The following STAU2 variants were observed in gnomAD, a reference collection of about 807,000 sequenced individuals.
The protein encoded by STAU2 is staufen double-stranded RNA binding protein 2.
STAU2 carries 20 observed loss-of-function variants against 65.9 expected under a neutral mutation model. The ratio of observed to expected loss-of-function variants is 0.30; its 90% confidence interval spans 0.21 to 0.44. The LOEUF (loss-of-function observed/expected upper bound fraction) is 0.44, where lower values mean the gene tolerates loss of function less well. Among genes scored for constraint, STAU2 ranks in the 20% least tolerant of loss-of-function variants. The pLI, the probability that STAU2 is intolerant of heterozygous loss-of-function variation, is 1.00. For missense variants in STAU2, 558 were observed against 683.9 expected (o/e 0.82, Z 2.05); for synonymous variants, 232 against 233.9 (o/e 0.99, Z 0.07).
In STAU2 at chr8:73,734,625, C is replaced by T. The variant is rs544055432; in HGVS notation, c.-18+3659G>A. Among the ~76,000 whole-genome samples, 3 of 152,166 alleles carry T rather than the reference C, an allele frequency of 2.0e-5. No homozygotes were observed. The East Asian group carries it at 5.8e-4, about 29-fold the overall frequency. On this transcript the variant is annotated intron_variant, in intron 3 of 14. Transcript: ENST00000524300. ...CCTGACCAACATGGTGAAACTCCAT[C>T]TCTACTAAGAATACAAAAATTAGCC... is the stretch of plus-strand genomic sequence containing the variant.
chr8:73,577,036 T>C (rs1434486061), intron 12 of STAU2, among the ~76,000 whole-genome samples: 1 of 152,228 alleles, frequency 6.6e-6, no homozygotes, highest in Non-Finnish European at 1.5e-5. Flanking sequence ...AATTGAAATT[T>C]CATTCAGACT....
intron 11 of STAU2, 76 bp from the exon 12 acceptor site, chr8:73,582,906 A>T: frequency 7.3e-7 from 1 of 1,378,574 alleles, no homozygotes; most frequent in Non-Finnish European, 1.0e-6. Context: ...GTGACCAATT[A>T]AGCAAAGGCA....
At chr8:73,536,564 T>C (rs767561450) in intron 13 of STAU2, among the ~76,000 whole-genome samples, 11 of 152,154 alleles carry the variant, frequency 7.2e-5, no homozygotes, top group African/African-American at 2.4e-4. Flanking sequence ...CTTGCTAAAG[T>C]TGTGACAGAG....
chr8:73,672,723 C>G (rs1042880958), intron 6 of STAU2, among the ~76,000 whole-genome samples: 1 of 151,848 alleles, frequency 6.6e-6, no homozygotes, highest in East Asian at 1.9e-4. Context: ...TTCATGTTCA[C>G]TAATGTATTT....
chr8:73,563,738 T>G (rs771110958), intron 12 of STAU2, among the ~76,000 whole-genome samples: 1 of 152,136 alleles, frequency 6.6e-6, no homozygotes, highest in Non-Finnish European at 1.5e-5. Flanking sequence ...GGTCTTAAGC[T>G]CCTGGCCTCC....
At chr8:73,739,367 C>T (rs1249135329) in intron 2 of STAU2, among the ~76,000 whole-genome samples, 1 of 151,462 alleles carries the variant, frequency 6.6e-6, no homozygotes, top group Admixed American at 6.6e-5. Flanking sequence ...TATATACAGA[C>T]CTCTCCCCTA....
rs147788085 is a variant in STAU2, at chr8:73,551,658, A to G, written c.1530+354T>C. On this transcript the variant is annotated intron_variant, in intron 13 of 14. Coordinates refer to ENST00000524300, the MANE Select transcript of STAU2 (RefSeq NM_001164380.2). ...AAGGGAGAACTGAGTGTGAAATACT[A>G]ACACCAAATGTCTGAAGGCAGAATT... 410 of 1,002,068 alleles carry G rather than the reference A, an allele frequency of 4.1e-4. No individual in the cohort carries two copies. The African/African-American group carries it at 6.8e-3, about 17-fold the overall frequency. 62.1% of individuals were successfully genotyped at this position (1,002,068 alleles called of 1,614,324 possible).
chr8:73,593,740 T>G (rs869344), intron 11 of STAU2, among the ~76,000 whole-genome samples: 3 of 151,914 alleles, frequency 2.0e-5, no homozygotes, highest in Admixed American at 2.0e-4. Context: ...AATTTTCCAG[T>G]AGACTGTTTT....
chr8:73,485,238 G>C (rs1338891542), intron 13 of STAU2, among the ~76,000 whole-genome samples: 2 of 144,160 alleles, frequency 1.4e-5, no homozygotes, highest in Non-Finnish European at 3.0e-5. Context: ...ATGTGCAGTG[G>C]CACAATCATA....
intron 6 of STAU2, among the ~76,000 whole-genome samples, chr8:73,628,522 C>G (rs1220439098): frequency 6.6e-6 from 1 of 152,162 alleles, no homozygotes. Flanking sequence ...CAGCAGATAT[C>G]ATCTTTGGTT....
intron 4 of STAU2, among the ~76,000 whole-genome samples, chr8:73,707,736 C>G (rs1266848766): frequency 6.6e-6 from 1 of 151,854 alleles, no homozygotes; most frequent in Admixed American, 6.6e-5. Flanking sequence ...AATACACACC[C>G]AAAAACAAGC....
At chr8:73,572,883 G>A (rs1290404181) in intron 12 of STAU2, among the ~76,000 whole-genome samples, 1 of 152,070 alleles carries the variant, frequency 6.6e-6, no homozygotes, top group South Asian at 2.1e-4. Flanking sequence ...ACATAGTGTT[G>A]GAAGTCCTGG....
At chr8:73,576,333 C>T (rs1275739830) in intron 12 of STAU2, among the ~76,000 whole-genome samples, 1 of 151,594 alleles carries the variant, frequency 6.6e-6, no homozygotes, top group Admixed American at 6.6e-5. Context: ...TCTTAAATTG[C>T]AATCTTAAGT....
At chr8:73,620,663 T>C (rs559830870) in intron 6 of STAU2, among the ~76,000 whole-genome samples, 1 of 152,340 alleles carries the variant, frequency 6.6e-6, no homozygotes, top group Non-Finnish European at 1.5e-5. Context: ...ATATATAAAT[T>C]ATATTGTGTA....
intron 13 of STAU2, among the ~76,000 whole-genome samples, chr8:73,438,486 T>C (rs560449653): frequency 6.6e-6 from 1 of 152,330 alleles, no homozygotes; most frequent in South Asian, 2.1e-4. Flanking sequence ...CCACTCAGAT[T>C]GGCTGCAGCC....
intron 4 of STAU2, among the ~76,000 whole-genome samples, chr8:73,689,207 C>T (rs1011445215): frequency 2.0e-5 from 3 of 152,130 alleles, no homozygotes; most frequent in African/African-American, 7.2e-5. Flanking sequence ...AAATCTAATT[C>T]CTTGAATGTT....
intron 13 of STAU2, among the ~76,000 whole-genome samples, chr8:73,427,277 G>A (rs190294870): frequency 1.3e-4 from 20 of 152,152 alleles, no homozygotes; most frequent in African/African-American, 4.1e-4. Context: ...AGGTTGTGCC[G>A]GCAGCAGCAG....
intron 13 of STAU2, among the ~76,000 whole-genome samples, chr8:73,434,606 C>G (rs1453979267): frequency 1.3e-5 from 2 of 151,836 alleles, no homozygotes; most frequent in Non-Finnish European, 2.9e-5. Context: ...CATTTGTAAG[C>G]TGAAGGCTAC....
At chr8:73,494,559 A>G (rs940314976) in intron 13 of STAU2, among the ~76,000 whole-genome samples, 10 of 151,766 alleles carry the variant, frequency 6.6e-5, no homozygotes, top group African/African-American at 1.4e-4. Context: ...AAAACATAGA[A>G]TAATTAAATA....
Sources: allele counts gnomAD v4.1 joint callset (sites outside exome capture counted in the v4.1 genomes callset), GRCh38; gene constraint gnomAD v4.1.1; transcripts MANE v1.5; gene names NCBI Gene and HGNC (gene_info 2026-07-23, HGNC 2026-07-21).